TOX2: variants seen among roughly 807,000 people sequenced by gnomAD.
TOX2 encodes TOX high mobility group box family member 2, also known as granulosa cell HMG box 1.
A neutral mutation model predicts 47.4 loss-of-function variants in TOX2; 15 were observed. The observed-to-expected ratio is 0.32, with a 90% confidence interval of 0.21 to 0.49. The LOEUF (loss-of-function observed/expected upper bound fraction) is 0.49. Among genes scored for constraint, TOX2 ranks in the 20% least tolerant of loss-of-function variants. The pLI is 0.99. For missense variants in TOX2, 622 were observed against 673.1 expected (o/e 0.92, Z 0.84); for synonymous variants, 290 against 296.6 (o/e 0.98, Z 0.23).
chr20:44,008,570 AAAT>A (rs1396722176), intron 3 of TOX2, among the ~76,000 whole-genome samples: 2 of 151,560 alleles, frequency 1.3e-5, no homozygotes, highest in African/African-American at 4.8e-5. Context: ...AAAAAAAAAA[AAAT>A]AATAATGGCT....
intron 2 of TOX2, among the ~76,000 whole-genome samples, chr20:44,005,090 A>T (rs2070655552): frequency 6.6e-6 from 1 of 152,230 alleles, no homozygotes; most frequent in Non-Finnish European, 1.5e-5. Context: ...TTTTATGTCC[A>T]TTTAAAAAAT....
chr20:43,955,272 T>C (rs532489068), intron 1 of TOX2: 1 of 985,328 alleles, frequency 1.0e-6, no homozygotes, highest in Non-Finnish European at 1.2e-6. Context: ...GATCTGTGCA[T>C]GTGAGTAGCT....
At chr20:43,994,561 T>C (rs2070435548) in intron 2 of TOX2, among the ~76,000 whole-genome samples, 1 of 152,094 alleles carries the variant, frequency 6.6e-6, no homozygotes, top group African/African-American at 2.4e-5. Context: ...ATTCAGATGC[T>C]GTTGCCCACA....
chr20:43,971,939 C>T (rs888787587), intron 1 of TOX2, among the ~76,000 whole-genome samples: 2 of 152,122 alleles, frequency 1.3e-5, no homozygotes, highest in African/African-American at 2.4e-5. Context: ...TGGAGAGGGG[C>T]AGTGGATGGC....
rs184645248 is a variant in TOX2, at chr20:43,971,940, A to G, written c.100-1427A>G. ...GTAGACGTTGCCTCTGGAGAGGGGCAGTGGATGGCTGGGAGGTGGGGTGGT... is the reference window on the plus strand; with the variant it reads ...GTAGACGTTGCCTCTGGAGAGGGGCGGTGGATGGCTGGGAGGTGGGGTGGT... On this transcript the variant is annotated intron_variant, in intron 1 of 8. Coordinates refer to ENST00000341197, the MANE Select transcript of TOX2 (RefSeq NM_001098797.2). 1.1e-3 allele frequency among the ~76,000 whole-genome samples: 170 copies of G among 152,238 alleles called. 1 individual carries two copies. The highest frequency in any genetic ancestry group is 1.9e-3 in the Non-Finnish European group (132 of 68,036).
At chr20:43,963,305 C>T (rs1600687595) in intron 1 of TOX2, among the ~76,000 whole-genome samples, 1 of 152,352 alleles carries the variant, frequency 6.6e-6, no homozygotes, top group East Asian at 1.9e-4. Context: ...ACCATCCAAG[C>T]CAACTCTTGT....
intron 2 of TOX2, among the ~76,000 whole-genome samples, chr20:43,990,487 G>A (rs912904739): frequency 2.0e-5 from 3 of 152,202 alleles, no homozygotes; most frequent in Non-Finnish European, 4.4e-5. Flanking sequence ...GGCCCCATTT[G>A]TGGTGCCACC....
At chr20:43,973,458 G>A (rs372660898) in intron 2 of TOX2, 26 bp downstream of exon 2, 96 of 1,612,610 alleles carry the variant, frequency 6.0e-5, no homozygotes, top group Middle Eastern at 1.7e-4. Context: ...TCCCTGAACG[G>A]GTGTCTTAAG....
chr20:43,944,148 A>G (rs554710099), intron 1 of TOX2, among the ~76,000 whole-genome samples: 1 of 152,268 alleles, frequency 6.6e-6, no homozygotes, highest in Non-Finnish European at 1.5e-5. Context: ...CCTTGGATCT[A>G]TGGGTTGTGT....
chr20:44,051,870 G>A (rs753941435), intron 4 of TOX2, among the ~76,000 whole-genome samples: 27 of 152,220 alleles, frequency 1.8e-4, no homozygotes, highest in Non-Finnish European at 7.3e-5. Context: ...AGTGCTGAGC[G>A]TCCTTGACAA....
chr20:44,066,365 C>A (rs1015914787), intron 7 of TOX2, among the ~76,000 whole-genome samples: 7 of 152,296 alleles, frequency 4.6e-5, no homozygotes, highest in African/African-American at 1.7e-4. Context: ...GCATCCTCAG[C>A]CCTAGCCCTG....
At chr20:44,029,435 G>A (rs2071115394) in intron 3 of TOX2, among the ~76,000 whole-genome samples, 1 of 152,154 alleles carries the variant, frequency 6.6e-6, no homozygotes, top group African/African-American at 2.4e-5. Context: ...AGACAGACCT[G>A]GGTTTGGATC....
intron 5 of TOX2, among the ~76,000 whole-genome samples, chr20:44,058,675 G>T (rs2071665527): frequency 6.6e-6 from 1 of 152,214 alleles, no homozygotes; most frequent in African/African-American, 2.4e-5. Flanking sequence ...TGGACCAGGT[G>T]TTGATATCCA....
rs916035726 is a variant in TOX2, at chr20:44,069,102, C to T, written c.*416C>T. 4 of 367,398 alleles carry T rather than the reference C, an allele frequency of 1.1e-5. No individual in the cohort carries two copies. The highest frequency in any genetic ancestry group is 6.9e-5 in the East Asian group (1 of 14,426). 22.8% of individuals were successfully genotyped at this position (367,398 alleles called of 1,614,324 possible). ...CGGCCCCCGGCATAGATGTGCACATCGGTTTTCCAGTGTGAACAAAAGATT... is the reference window on the plus strand; with the variant it reads ...CGGCCCCCGGCATAGATGTGCACATTGGTTTTCCAGTGTGAACAAAAGATT... On this transcript the variant is annotated 3_prime_UTR_variant, in exon 9 of 9. Transcript: ENST00000341197.
chr20:43,963,700 T>A (rs6103537), intron 1 of TOX2, among the ~76,000 whole-genome samples: 50,311 of 152,102 alleles, frequency 0.33, 9,778 homozygotes, highest in African/African-American at 0.53. Context: ...TTTTGAAGAA[T>A]TGTTAATATC....
intron 1 of TOX2, chr20:43,955,146 A>G: frequency 1.8e-6 from 1 of 561,548 alleles, no homozygotes; most frequent in Non-Finnish European, 2.3e-6. Context: ...GTTCCATTGC[A>G]GGTGTTGCCT....
chr20:44,029,892 T>G (rs1276465822), intron 3 of TOX2, among the ~76,000 whole-genome samples: 1 of 152,214 alleles, frequency 6.6e-6, no homozygotes, highest in African/African-American at 2.4e-5. Context: ...GGCCTTCACG[T>G]TGCCAAACCC....
At chr20:43,954,422 C>T (rs1349384578) in intron 1 of TOX2, among the ~76,000 whole-genome samples, 1 of 152,190 alleles carries the variant, frequency 6.6e-6, no homozygotes, top group East Asian at 1.9e-4. Flanking sequence ...TTGTTGCCTG[C>T]CTCCTGCAGT....
At chr20:43,976,661 C>T (rs1161453163) in intron 2 of TOX2, among the ~76,000 whole-genome samples, 1 of 152,134 alleles carries the variant, frequency 6.6e-6, no homozygotes, top group African/African-American at 2.4e-5. Flanking sequence ...TTTCTGGTAC[C>T]TATAGCTCCT....
Sources: allele counts gnomAD v4.1 joint callset (sites outside exome capture counted in the v4.1 genomes callset), GRCh38; gene constraint gnomAD v4.1.1; transcripts MANE v1.5; gene names NCBI Gene and HGNC (gene_info 2026-07-23, HGNC 2026-07-21).